The following FBXL13 variants were observed in gnomAD, a reference collection of about 807,000 sequenced individuals.
FBXL13 encodes the protein F-box and leucine rich repeat protein 13, also known as F-box and leucine-rich repeat protein 13.
In FBXL13, 67 loss-of-function variants were observed where a neutral mutation model predicts 83.6. The ratio of observed to expected loss-of-function variants is 0.80; its 90% CI spans 0.66 to 0.98. The LOEUF is 0.98. Ranked by LOEUF, FBXL13 falls within the 50% of genes least tolerant of loss-of-function variation. The pLI, the probability that FBXL13 is intolerant of heterozygous loss-of-function variation, is 0.00. For missense variants in FBXL13, 822 were observed against 866.5 expected (o/e 0.95, Z 0.64); for synonymous variants, 272 against 299.5 (o/e 0.91, Z 0.95).
chr7:103,017,717 G>A lies in FBXL13; in HGVS notation c.495+7346C>T, dbSNP rs540057447. On this transcript the variant is annotated intron_variant, in intron 6 of 19. Transcript: ENST00000313221. The stretch of plus-strand genomic sequence containing the variant: ...GCTGATTCCATCAAGTGGAAGAAAG[G>A]GTATCAGTGATTGAAGATCAAATGA... Among the ~76,000 whole-genome samples the A allele has an allele frequency of 2.3e-4, 35 of 151,964 alleles. No homozygotes were observed. The South Asian group carries it at 6.7e-3, about 29-fold the overall frequency.
chr7:102,857,956 C>T (rs1484550824), intron 16 of FBXL13, among the ~76,000 whole-genome samples: 3 of 152,074 alleles, frequency 2.0e-5, no homozygotes, highest in Admixed American at 6.5e-5. Flanking sequence ...TGGGTATTTA[C>T]CCAAAGGAAA....
intron 11 of FBXL13, among the ~76,000 whole-genome samples, chr7:102,909,740 C>T (rs978798593): frequency 1.3e-5 from 2 of 152,100 alleles, no homozygotes; most frequent in Non-Finnish European, 2.9e-5. Context: ...CCTATCCTGC[C>T]GTGGCTGAGC....
chr7:102,911,204 T>C (rs1328443302), intron 11 of FBXL13, among the ~76,000 whole-genome samples: 1 of 152,212 alleles, frequency 6.6e-6, no homozygotes, highest in Non-Finnish European at 1.5e-5. Context: ...ATCTGGGCAG[T>C]AGGTCATAGA....
At chr7:103,069,746 T>C (rs1798749385) in intron 1 of FBXL13, among the ~76,000 whole-genome samples, 1 of 152,224 alleles carries the variant, frequency 6.6e-6, no homozygotes, top group Non-Finnish European at 1.5e-5. Flanking sequence ...GGAACTTCTA[T>C]TGTTCTTTTC....
intron 8 of FBXL13, chr7:102,934,265 T>G: frequency 6.2e-7 from 1 of 1,614,152 alleles, no homozygotes; most frequent in Non-Finnish European, 8.5e-7. Context: ...GAATGAGATC[T>G]CTAAAATTGA....
At chr7:102,940,342 T>C (rs1055172992) in intron 8 of FBXL13, among the ~76,000 whole-genome samples, 90 of 152,090 alleles carry the variant, frequency 5.9e-4, no homozygotes, top group African/African-American at 2.1e-3. Flanking sequence ...CCCAAGTAGC[T>C]GGAACTACAG....
At chr7:102,885,715 ACCT>A (rs1038710179) in intron 11 of FBXL13, among the ~76,000 whole-genome samples, 6 of 151,882 alleles carry the variant, frequency 4.0e-5, no homozygotes, top group Non-Finnish European at 8.8e-5. Flanking sequence ...ATGAAGATTT[ACCT>A]CCTATTTTTT....
chr7:103,028,866 T>C (rs973043124), intron 3 of FBXL13, 118 bp from the exon 5 acceptor site: 2 of 813,700 alleles, frequency 2.5e-6, no homozygotes, highest in South Asian at 4.7e-5. Context: ...AACCACAGCA[T>C]AGAAAGAAAC....
intron 11 of FBXL13, among the ~76,000 whole-genome samples, chr7:102,884,665 T>TA (rs1001047864): frequency 1.3e-5 from 2 of 151,918 alleles, no homozygotes; most frequent in African/African-American, 4.8e-5. Context: ...TTTTTTTAAT[T>TA]AAAAAAAATT....
At chr7:103,001,778 T>C (rs955281272) in intron 6 of FBXL13, among the ~76,000 whole-genome samples, 3 of 152,212 alleles carry the variant, frequency 2.0e-5, no homozygotes, top group African/African-American at 7.2e-5. Flanking sequence ...AGTGGCTTCC[T>C]GGGGGCTCTT....
intron 1 of FBXL13, among the ~76,000 whole-genome samples, chr7:103,068,705 A>G (rs982786028): frequency 6.6e-6 from 1 of 152,176 alleles, no homozygotes; most frequent in Non-Finnish European, 1.5e-5. Flanking sequence ...CAATAGGCTT[A>G]TGGTGGTGGC....
chr7:102,942,751 T>C (rs991792840), intron 8 of FBXL13, among the ~76,000 whole-genome samples: 3 of 152,212 alleles, frequency 2.0e-5, no homozygotes, highest in Non-Finnish European at 4.4e-5. Context: ...GGGGGAATTA[T>C]GGGTTTTTTC....
chr7:102,925,828 C>A (rs1168689793), intron 10 of FBXL13, among the ~76,000 whole-genome samples: 2 of 151,632 alleles, frequency 1.3e-5, no homozygotes, highest in South Asian at 4.2e-4. Flanking sequence ...GTAATCCCAA[C>A]TACTCAGGAG....
At chr7:103,071,305 T>G (rs1798932849) in intron 1 of FBXL13, among the ~76,000 whole-genome samples, 1 of 152,116 alleles carries the variant, frequency 6.6e-6, no homozygotes, top group South Asian at 2.1e-4. Flanking sequence ...AACCAAGAAT[T>G]TTCTAAAACG....
In FBXL13 at chr7:103,001,387, A is replaced by G. The variant is rs145127098; in HGVS notation, c.495+23676T>C. 4.1e-4 allele frequency among the ~76,000 whole-genome samples: 62 copies of G among 152,306 alleles called. No individual in the cohort carries two copies. In the East Asian group the frequency reaches 0.011, roughly 26 times the overall value. On this transcript the variant is annotated intron_variant, in intron 6 of 19. Transcript: ENST00000313221. Reference sequence around the variant, plus strand: ...CTATTCAGCCACTCATTGTCTTTTAATTGGAGAATTTAGTCCATTTATATT... The same window carrying G: ...CTATTCAGCCACTCATTGTCTTTTAGTTGGAGAATTTAGTCCATTTATATT...
intron 6 of FBXL13, chr7:102,973,231 C>A: frequency 3.8e-6 from 1 of 265,604 alleles, no homozygotes; most frequent in Non-Finnish European, 7.2e-6. Context: ...CCCCAACGCC[C>A]GAAAGCTTGA....
At chr7:102,979,991 A>G (rs916273440) in intron 6 of FBXL13, among the ~76,000 whole-genome samples, 1 of 152,196 alleles carries the variant, frequency 6.6e-6, no homozygotes, top group African/African-American at 2.4e-5. Flanking sequence ...TCTATCAAAT[A>G]TCCAAAGAAC....
intron 6 of FBXL13, among the ~76,000 whole-genome samples, chr7:103,022,498 A>G (rs904012765): frequency 9.2e-5 from 14 of 152,152 alleles, no homozygotes; most frequent in African/African-American, 3.1e-4. Context: ...CCAGAAATAT[A>G]GACTAATGGA....
At chr7:102,883,602 A>T (rs1223356152) in exon 13 of FBXL13, 2 of 1,611,780 alleles carry the variant, frequency 1.2e-6, no homozygotes, top group Non-Finnish European at 1.7e-6. Context: ...TACAAGCAGA[A>T]AGAGCTCTGA....
Sources: allele counts gnomAD v4.1 joint callset (sites outside exome capture counted in the v4.1 genomes callset), GRCh38; gene constraint gnomAD v4.1.1; transcripts MANE v1.5; gene names NCBI Gene and HGNC (gene_info 2026-07-23, HGNC 2026-07-21).